Variants in RAB37 observed in about 807,000 individuals in gnomAD.
RAB37 encodes RAB37, member RAS oncogene family.
Under a neutral mutation model 33.1 loss-of-function variants are expected in RAB37, and 29 were observed. The observed-to-expected ratio is 0.88, with a 90% CI of 0.65 to 1.20. The LOEUF (loss-of-function observed/expected upper bound fraction) is 1.20. Among genes scored for constraint, RAB37 ranks in the 50% most tolerant of loss-of-function variants. The probability of loss-of-function intolerance (pLI) is 0.00; values close to 1 mark genes in which losing one functional copy is unlikely to be tolerated. For missense variants in RAB37, 299 were observed against 301.1 expected (o/e 0.99, Z 0.05); for synonymous variants, 128 against 119.5 (o/e 1.07, Z -0.47).
intron 1 of RAB37, among the ~76,000 whole-genome samples, chr17:74,688,494 A>T (rs1213524675): frequency 1.3e-5 from 2 of 151,050 alleles, no homozygotes; most frequent in Non-Finnish European, 2.9e-5. Context: ...CTGAGGTTGC[A>T]GTGAGCTGAG....
intron 1 of RAB37, chr17:74,705,199 C>G (rs917537476): frequency 2.8e-6 from 2 of 701,870 alleles, no homozygotes; most frequent in Admixed American, 4.0e-5. Context: ...TCCACAGGGT[C>G]TTACCTTGAC....
rs1246175254 is a variant in RAB37, at chr17:74,743,208, C to T, written c.313+13C>T. 5.0e-6 allele frequency: 8 copies of T among 1,613,850 alleles called. No homozygotes were observed. In the East Asian group the frequency reaches 1.6e-4, roughly 31 times the overall value. ...AGAGATGCTCAGGGTGAGTCCCTCG[C>T]ACCCTCCAACCCCTACCCCAGCCCC... On this transcript the variant is annotated intron_variant, in intron 4 of 8. Transcript: ENST00000392613.
At position 74,719,540 on chromosome 17, in the gene RAB37, C is replaced by T. The variant is rs142741035; in HGVS notation, c.73-9716C>T. Among the ~76,000 whole-genome samples, 109 of 152,170 alleles carry T rather than the reference C, an allele frequency of 7.2e-4. 1 individual carries two copies. The East Asian group carries it at 0.021, about 29-fold the overall frequency. On this transcript the variant is annotated intron_variant, in intron 1 of 7. Transcript: ENST00000340415. ...TTTTTTCTTTTGAGATGGGTTCTCA[C>T]TGTGTCACCAAGGCTAGAGTACAGT...
chr17:74,695,142 C>G (rs1451874455), intron 1 of RAB37: 12 of 1,614,056 alleles, frequency 7.4e-6, no homozygotes, highest in Middle Eastern at 1.6e-4. Context: ...CTCAGGGCCC[C>G]TGCCGGGGAG....
rs1029529115 is a variant in RAB37 at position 74,745,171 on chromosome 17, T to C, written c.566+87T>C. 9 of 1,544,344 alleles carry C rather than the reference T, an allele frequency of 5.8e-6. No homozygotes were observed. The highest frequency in any genetic ancestry group is 8.0e-6 in the Non-Finnish European group (9 of 1,119,420). On this transcript the variant is annotated intron_variant, in intron 8 of 8. Coordinates refer to ENST00000392613, the MANE Select transcript of RAB37 (RefSeq NM_001006638.3). This position sits in a 1 kb window ranked among gnomAD's most constrained non-coding sequence, Gnocchi z 4.5. ...AGGGCCCGGCCCCTGGCCCAGCCCC[T>C]GGACACACCTGCATTCTGCAGGCTG...
intron 1 of RAB37, among the ~76,000 whole-genome samples, chr17:74,719,007 G>T (rs889738390): frequency 6.6e-6 from 1 of 152,154 alleles, no homozygotes; most frequent in East Asian, 1.9e-4. Flanking sequence ...TGGGGGAAAA[G>T]GGTCTGTGGA....
intron 1 of RAB37, among the ~76,000 whole-genome samples, chr17:74,689,652 G>C (rs1223688325): frequency 1.3e-5 from 2 of 152,094 alleles, no homozygotes; most frequent in Non-Finnish European, 2.9e-5. Context: ...TAGAATAAAA[G>C]GCTGATCACT....
At chr17:74,688,703 T>G (rs573326068) in intron 1 of RAB37, among the ~76,000 whole-genome samples, 2 of 152,266 alleles carry the variant, frequency 1.3e-5, no homozygotes, top group South Asian at 4.1e-4. Context: ...TAAAAGCCTG[T>G]CACTTTTTAA....
chr17:74,740,836 C>A lies in RAB37; in HGVS notation c.162C>A (p.Phe54Leu). 2 of 1,614,142 alleles carry A rather than the reference C, an allele frequency of 1.2e-6. No homozygotes were observed. The highest frequency in any genetic ancestry group is 2.2e-5 in the South Asian group (2 of 91,090). ...TGATCCAATTCAAAGACGGGGCCTT[C>A]CTGTCCGGAACCTTCATAGCCACCG... ...CFLIQFKDGA[F>L]LSGTFIATVG... Residue 54 changes from phenylalanine (F) to leucine (L), a missense_variant, in exon 2 of 9, where the codon TTC becomes TTA. Phe to Leu is a conservative substitution (Grantham distance 22, BLOSUM62 0). Coordinates refer to ENST00000392613, the MANE Select transcript of RAB37 (RefSeq NM_001006638.3).
rs186894574 is a variant in RAB37, at chr17:74,671,931, C to T, written c.72+273C>T. Among the ~76,000 whole-genome samples, 41 of 152,276 alleles carry T rather than the reference C, an allele frequency of 2.7e-4. No homozygotes were observed. The highest frequency in any genetic ancestry group is 1.3e-3 in the Admixed American group (20 of 15,298). On this transcript the variant is annotated intron_variant, in intron 1 of 7. Coordinates refer to the RAB37 transcript ENST00000340415. The surrounding 1 kb of genome is among the most constrained non-coding windows in gnomAD (Gnocchi z 5.0). ...CTTTTTCACCCCCTCCTTCTCCTTGCCTATTTATGCCCCTGGGTGACCCCT... is the reference window on the plus strand; with the variant it reads ...CTTTTTCACCCCCTCCTTCTCCTTGTCTATTTATGCCCCTGGGTGACCCCT...
rs916857231 is a variant in RAB37, at chr17:74,676,223, C to G, written c.72+4565C>G. Among the ~76,000 whole-genome samples, 22 of 152,150 alleles carry G rather than the reference C, an allele frequency of 1.4e-4. No individual in the cohort carries two copies. The highest frequency in any genetic ancestry group is 5.1e-4 in the African/African-American group (21 of 41,436). On this transcript the variant is annotated intron_variant, in intron 1 of 7. Coordinates refer to the RAB37 transcript ENST00000340415. The surrounding 1 kb of genome is among the most constrained non-coding windows in gnomAD (Gnocchi z 4.1). The stretch of plus-strand genomic sequence containing the variant: ...GAATTAGGACAAAAGGGCTTCAGTT[C>G]AAGCACTTACTTCCTAATTCCCTAT...
Position 74,712,937 on chromosome 17 carries a change from C to A in RAB37, c.73-16319C>A, listed in dbSNP as rs537461374. On this transcript the variant is annotated intron_variant, in intron 1 of 7. Coordinates refer to the RAB37 transcript ENST00000340415. Reference sequence around the variant, plus strand: ...CAGGAACAAACTACAGACTCCCAGCCTTCTGCTGGTACTCACTCTCGCCCT... The same window carrying A: ...CAGGAACAAACTACAGACTCCCAGCATTCTGCTGGTACTCACTCTCGCCCT... The A allele has an allele frequency of 3.4e-6, 5 of 1,479,958 alleles. No homozygotes were observed. In the African/African-American group the frequency reaches 6.9e-5, roughly 20 times the overall value. The allele number at this position is 1,479,958 out of a possible 1,614,324, so 91.7% of individuals were successfully genotyped here.
intron 1 of RAB37, chr17:74,704,429 G>C (rs1269304525): frequency 7.5e-7 from 1 of 1,328,422 alleles, no homozygotes; most frequent in Non-Finnish European, 1.1e-6. Context: ...TCAGAGACCA[G>C]GACAGAGCAG....
At chr17:74,700,183 A>T (rs982632819) in intron 1 of RAB37, among the ~76,000 whole-genome samples, 2 of 151,034 alleles carry the variant, frequency 1.3e-5, no homozygotes, top group Admixed American at 6.6e-5. Context: ...AAACAAACAA[A>T]CAATCAAAAT....
At position 74,695,793 on chromosome 17, in the gene RAB37, G is replaced by T. The variant is rs781560054; in HGVS notation, c.72+24135G>T. 39 of 1,614,060 alleles carry T rather than the reference G, an allele frequency of 2.4e-5. No individual in the cohort carries two copies. The highest frequency in any genetic ancestry group is 6.7e-5 in the Admixed American group (4 of 60,000). Reference sequence around the variant, plus strand: ...GAAAGCTTCGTGGTAGCCTTTTGCGGGGAGGTTCCGGCCAGCTGCAGGGTC... The same window carrying T: ...GAAAGCTTCGTGGTAGCCTTTTGCGTGGAGGTTCCGGCCAGCTGCAGGGTC... On this transcript the variant is annotated intron_variant, in intron 1 of 7. Transcript: ENST00000340415.
Position 74,738,524 on chromosome 17 carries a change from G to C in RAB37, c.93+1159G>C, listed in dbSNP as rs1411632135. ...TAGGAGGTGGCCAGGCTAGGCAGCT[G>C]TTTGTGTTTGGTGGAATCACCGAGC... is the stretch of plus-strand genomic sequence containing the variant. On this transcript the variant is annotated intron_variant, in intron 1 of 8. Transcript: ENST00000392613. This position sits in a 1 kb window ranked among gnomAD's most constrained non-coding sequence, Gnocchi z 5.0. Among the ~76,000 whole-genome samples the C allele has an allele frequency of 6.6e-6, 1 of 152,192 alleles. No individual in the cohort carries two copies. Among genetic ancestry groups the C allele is most frequent in the Non-Finnish European group, 1.5e-5 (1 of 68,040 alleles).
intron 2 of RAB37, among the ~76,000 whole-genome samples, chr17:74,741,658 C>T (rs2034621286): frequency 6.6e-6 from 1 of 151,688 alleles, no homozygotes; most frequent in Non-Finnish European, 1.5e-5. Context: ...CTCCCTCTCA[C>T]CTTGACGACT....
In RAB37 at chr17:74,742,309, C is replaced by T; in HGVS notation, c.246+14C>T. 6.2e-7 allele frequency: 1 copy of T among 1,607,710 alleles called. No individual in the cohort carries two copies. The highest frequency in any genetic ancestry group is 8.5e-7 in the Non-Finnish European group (1 of 1,175,114). ...GTGAAGCTGCAGGTGAGACCAGAGG[C>T]TGGAGTTGGGGAGGGAGGATGGAGG... On this transcript the variant is annotated intron_variant, in intron 3 of 8. Coordinates refer to ENST00000392613, the MANE Select transcript of RAB37 (RefSeq NM_001006638.3). This position sits in a 1 kb window ranked among gnomAD's most constrained non-coding sequence, Gnocchi z 4.0.
rs2033330329 is a variant in RAB37, at chr17:74,704,335, C to G, written c.73-24921C>G. 6.2e-6 allele frequency: 4 copies of G among 648,612 alleles called. No homozygotes were observed. In the East Asian group the frequency reaches 1.1e-4, roughly 17 times the overall value. 40.2% of individuals were successfully genotyped at this position (648,612 alleles called of 1,614,324 possible). On this transcript the variant is annotated intron_variant, in intron 1 of 7. Transcript: ENST00000340415. ...TGAAGAGAGGCCCTGCTCCCCCAGT[C>G]CCAGGTGGTCAGTCAGGGTTCTATG...
Sources: gnomAD v4.1 joint callset for allele counts (sites outside exome capture counted in the v4.1 genomes callset) on GRCh38, gnomAD v4.1.1 for gene constraint, Gnocchi (gnomAD v3.1) non-coding constraint, MANE v1.5 for transcripts, NCBI Gene and HGNC (gene_info 2026-07-23, HGNC 2026-07-21) for gene names.